OTOP2: variants seen among roughly 807,000 people sequenced by gnomAD.
OTOP2 encodes the protein proton channel OTOP2.
Under a neutral mutation model 47.4 loss-of-function variants are expected in OTOP2, and 41 were observed. That is an observed-to-expected ratio of 0.87 (90% confidence interval 0.67 to 1.12). The LOEUF is 1.12. Ranked by LOEUF, OTOP2 falls within the 50% of genes most tolerant of loss-of-function variation. The pLI, the probability that OTOP2 is intolerant of heterozygous loss-of-function variation, is 0.00. For synonymous variants in OTOP2, 328 were observed against 319.6 expected (o/e 1.03, Z -0.28); for missense variants, 721 against 752.2 (o/e 0.96, Z 0.49).
intron 4 of OTOP2, 110 bp downstream of exon 4, chr17:74,927,391 G>C: frequency 7.6e-7 from 1 of 1,312,484 alleles, no homozygotes; most frequent in Non-Finnish European, 1.1e-6. Context: ...CCCTGGGTGG[G>C]GTTGCAGCCA....
intron 5 of OTOP2, among the ~76,000 whole-genome samples, chr17:74,928,851 G>A (rs1480503481): frequency 6.6e-6 from 1 of 152,172 alleles, no homozygotes; most frequent in Non-Finnish European, 1.5e-5. Flanking sequence ...TCCGGCAACA[G>A]AAAGCATGGC....
intron 3 of OTOP2, among the ~76,000 whole-genome samples, chr17:74,926,100 A>T (rs2039005781): frequency 6.6e-6 from 1 of 152,206 alleles, no homozygotes; most frequent in Non-Finnish European, 1.5e-5. Context: ...GGTAGCCTGT[A>T]ACTGGGATTT....
At position 74,924,933 on chromosome 17, in the gene OTOP2, A is replaced by T. The variant is rs1252077988; in HGVS notation, c.301A>T (p.Ile101Phe). Residue 101 changes from isoleucine to phenylalanine, a missense_variant, in exon 2 of 7, where the codon ATC becomes TTC. Ile to Phe is a conservative substitution (Grantham distance 21, BLOSUM62 0). Transcript: ENST00000331427. The surrounding 1 kb of genome is among the most constrained non-coding windows in gnomAD (Gnocchi z 7.7). The part of the protein sequence containing the change: ...VPYRDAHAGP[I>F]WLRGGLVLFG... ...CTACCGGGACGCGCACGCTGGCCCC[A>T]TCTGGCTCCGAGGTGCCAGGGGAGG... is the stretch of plus-strand genomic sequence containing the variant. 1.2e-5 allele frequency: 19 copies of T among 1,565,616 alleles called. No homozygotes were observed. Among genetic ancestry groups the T allele is most frequent in the Non-Finnish European group, 1.6e-5 (19 of 1,154,058 alleles).
chr17:74,930,956 G>A lies in OTOP2; in HGVS notation c.1321G>A (p.Glu441Lys), dbSNP rs767276003. 1.9e-6 allele frequency: 3 copies of A among 1,613,960 alleles called. No homozygotes were observed. Among genetic ancestry groups the A allele is most frequent in the Admixed American group, 1.7e-5 (1 of 60,008 alleles). The part of the protein sequence containing the change: ...GAEPHSTHPK[E>K]PCQDLTFTNL... Reference sequence around the variant, plus strand: ...TGAGCCTCACAGTACCCACCCCAAGGAGCCCTGCCAAGACCTCACCTTCAC... The same window carrying A: ...TGAGCCTCACAGTACCCACCCCAAGAAGCCCTGCCAAGACCTCACCTTCAC... Residue 441 changes from glutamate (E) to lysine (K), a missense_variant, in exon 6 of 7, where the codon GAG becomes AAG. Physicochemically the swap from Glu to Lys is moderately conservative, Grantham distance 56 (BLOSUM62 1). Transcript: ENST00000331427. This position sits in a 1 kb window ranked among gnomAD's most constrained non-coding sequence, Gnocchi z 4.0.
rs756120002 is a variant in OTOP2, at chr17:74,925,622, G to A, written c.380G>A (p.Ser127Asn). 4 of 1,614,166 alleles carry A rather than the reference G, an allele frequency of 2.5e-6. No individual in the cohort carries two copies. Residue 127 changes from serine (S) to asparagine (N), a missense_variant, in exon 3 of 7, where the codon AGT (serine) becomes AAT (asparagine). By Grantham distance (46) the Ser-to-Asn change is conservative. Transcript: ENST00000331427. ...MDVFKTGYYS[S>N]FFECQSAIKI... ...GTCTTCAAGACCGGCTACTACTCCA[G>A]TTTCTTTGAGTGCCAGTCAGCCATC...
rs1022736556 is a variant in OTOP2, at chr17:74,930,198, A to C, written c.644-81A>C. The stretch of plus-strand genomic sequence containing the variant: ...AACTCCGTCTCAAAACAAAACAAAA[A>C]AAAAAAGGTCACAGGCTAGGGGTGA... On this transcript the variant is annotated intron_variant, in intron 5 of 6. Coordinates refer to ENST00000331427, the MANE Select transcript of OTOP2 (RefSeq NM_178160.3). The surrounding 1 kb of genome is among the most constrained non-coding windows in gnomAD (Gnocchi z 4.0). 223 of 1,477,218 alleles carry C rather than the reference A, an allele frequency of 1.5e-4. 1 individual carries two copies. The highest frequency in any genetic ancestry group is 5.2e-4 in the South Asian group (38 of 73,664). The allele number at this position is 1,477,218 out of a possible 1,614,324, so 91.5% of individuals were successfully genotyped here.
In OTOP2 at chr17:74,927,656, C is replaced by T; in HGVS notation, c.510-9C>T. On this transcript the variant is annotated splice_polypyrimidine_tract_variant and intron_variant, in intron 4 of 6. Transcript: ENST00000331427. ...AGGCCTCTTTGTCCCCACCCCTGAC[C>T]CCAAACAGGTGTGGTCTCATGTTCA... 3 of 1,611,142 alleles carry T rather than the reference C, an allele frequency of 1.9e-6. No homozygotes were observed. The highest frequency in any genetic ancestry group is 2.5e-6 in the Non-Finnish European group (3 of 1,178,358).
rs2039000469 is a variant in OTOP2 at position 74,925,652 on chromosome 17, T to C, written c.410T>C (p.Ile137Thr). Residue 137 changes from isoleucine (I) to threonine (T), a missense_variant, in exon 3 of 7, where the codon ATC (isoleucine) becomes ACC (threonine). Coordinates refer to ENST00000331427, the MANE Select transcript of OTOP2 (RefSeq NM_178160.3). ...TTTGAGTGCCAGTCAGCCATCAAGATCCTGCACCCCCTCATCCAGGCTGTG... is the reference window on the plus strand; with the variant it reads ...TTTGAGTGCCAGTCAGCCATCAAGACCCTGCACCCCCTCATCCAGGCTGTG... Reference protein sequence around the residue: ...SFFECQSAIKILHPLIQAVFV... With the variant: ...SFFECQSAIKTLHPLIQAVFV... 6.2e-7 allele frequency: 1 copy of C among 1,614,162 alleles called. No homozygotes were observed. Among genetic ancestry groups the C allele is most frequent in the Non-Finnish European group, 8.5e-7 (1 of 1,180,018 alleles).
chr17:74,928,438 C>A (rs2039029051), intron 5 of OTOP2, among the ~76,000 whole-genome samples: 1 of 152,064 alleles, frequency 6.6e-6, no homozygotes, highest in Admixed American at 6.6e-5. Context: ...CAGAGTGGTT[C>A]TGTGGTGCAA....
chr17:74,933,462 A>G lies in OTOP2; in HGVS notation c.1606A>G (p.Ile536Val), dbSNP rs200405827. The G allele has an allele frequency of 9.9e-6, 16 of 1,614,070 alleles. No individual in the cohort carries two copies. Among genetic ancestry groups the G allele is most frequent in the African/African-American group, 1.3e-5 (1 of 74,950 alleles). The change falls in exon 7 of 7, where the codon ATC becomes GTC. Residue 536 changes from isoleucine (I) to valine (V), a missense_variant. Transcript: ENST00000331427. The surrounding 1 kb of genome is among the most constrained non-coding windows in gnomAD (Gnocchi z 4.7). ...DFYGYSLWAVIVNICLPFGIF... is the reference protein window; with the variant it reads ...DFYGYSLWAVVVNICLPFGIF... Reference sequence around the variant, plus strand: ...CTACGGCTACTCCCTCTGGGCGGTCATCGTCAACATCTGCCTCCCTTTCGG... The same window carrying G: ...CTACGGCTACTCCCTCTGGGCGGTCGTCGTCAACATCTGCCTCCCTTTCGG...
At chr17:74,929,153 G>A (rs894008407) in intron 5 of OTOP2, among the ~76,000 whole-genome samples, 1 of 152,164 alleles carries the variant, frequency 6.6e-6, no homozygotes, top group Non-Finnish European at 1.5e-5. Context: ...AAGGCCCAGA[G>A]TATCCTACAA....
At chr17:74,932,283 C>T (rs1395056104) in intron 6 of OTOP2, among the ~76,000 whole-genome samples, 2 of 152,126 alleles carry the variant, frequency 1.3e-5, no homozygotes, top group Admixed American at 1.3e-4. Context: ...GGGTATATCC[C>T]AGGACAGAGC....
At position 74,933,746 on chromosome 17, in the gene OTOP2, A is replaced by T; in HGVS notation, c.*201A>T. On this transcript the variant is annotated 3_prime_UTR_variant, in exon 7 of 7. Coordinates refer to ENST00000331427, the MANE Select transcript of OTOP2 (RefSeq NM_178160.3). This position sits in a 1 kb window ranked among gnomAD's most constrained non-coding sequence, Gnocchi z 4.7. The stretch of plus-strand genomic sequence containing the variant: ...GGACAGGCCCATCCACCCCAGTATG[A>T]CCGTGGGGCATGAGGTGACTGGGGA... 1 of 555,794 alleles carries T rather than the reference A, an allele frequency of 1.8e-6. No individual in the cohort carries two copies. The highest frequency in any genetic ancestry group is 1.9e-5 in the African/African-American group (1 of 53,736). 34.4% of individuals were successfully genotyped at this position (555,794 alleles called of 1,614,324 possible).
At chr17:74,927,511 G>T (rs2039019273) in intron 4 of OTOP2, 154 bp from the exon 5 acceptor site, 2 of 1,166,886 alleles carry the variant, frequency 1.7e-6, no homozygotes, top group Admixed American at 2.4e-5. Flanking sequence ...CTCTTTGGTG[G>T]CATACCAGCC....
chr17:74,929,598 G>T (rs761633365), intron 5 of OTOP2, among the ~76,000 whole-genome samples: 7 of 152,058 alleles, frequency 4.6e-5, no homozygotes, highest in Non-Finnish European at 1.0e-4. Flanking sequence ...GCTAATTTTT[G>T]TATTTTTAGT....
At chr17:74,926,685 C>A (rs1350534178) in intron 3 of OTOP2, among the ~76,000 whole-genome samples, 1 of 152,082 alleles carries the variant, frequency 6.6e-6, no homozygotes, top group Non-Finnish European at 1.5e-5. Flanking sequence ...TGGAGAACCA[C>A]TATTTTATAC....
Position 74,931,086 on chromosome 17 carries a change from C to T in OTOP2, c.1451C>T (p.Pro484Leu). 6.2e-7 allele frequency: 1 copy of T among 1,614,010 alleles called. No homozygotes were observed. Among genetic ancestry groups the T allele is most frequent in the African/African-American group, 1.3e-5 (1 of 75,040 alleles). Reference protein sequence around the residue: ...QREAVAIVSTPRSQWRRQCLK... With the variant: ...QREAVAIVSTLRSQWRRQCLK... The stretch of plus-strand genomic sequence containing the variant: ...GAAGCAGTGGCCATCGTCTCAACCC[C>T]CAGAAGCCAGTGGAGACGCCAGTGC... Residue 484 changes from proline to leucine, a missense_variant, in exon 6 of 7, where the codon CCC (proline) becomes CTC (leucine). Pro to Leu is a moderately conservative substitution (Grantham distance 98). Coordinates refer to ENST00000331427, the MANE Select transcript of OTOP2 (RefSeq NM_178160.3).
rs2144762122 is a variant in OTOP2, at chr17:74,924,514, C to T, written c.-33-86C>T. The T allele has an allele frequency of 1.6e-6, 2 of 1,231,560 alleles. No homozygotes were observed. Among genetic ancestry groups the T allele is most frequent in the Non-Finnish European group, 2.2e-6 (2 of 918,828 alleles). The allele number at this position is 1,231,560 out of a possible 1,614,324, so 76.3% of individuals were successfully genotyped here. ...AAGCCCCAACCCTGCGGGTCAGGAA[C>T]TCCCTAGTCCCCAAGTCTAGGGATG... On this transcript the variant is annotated intron_variant, in intron 1 of 6. Transcript: ENST00000331427. The surrounding 1 kb of genome is among the most constrained non-coding windows in gnomAD (Gnocchi z 7.7).
At chr17:74,925,317 A>T (rs2038997562) in intron 2 of OTOP2, among the ~76,000 whole-genome samples, 1 of 152,028 alleles carries the variant, frequency 6.6e-6, no homozygotes, top group African/African-American at 2.4e-5. Flanking sequence ...TAGCAGGTCC[A>T]TCCATCCACC....
Sources: allele counts gnomAD v4.1 joint callset (sites outside exome capture counted in the v4.1 genomes callset), GRCh38; gene constraint gnomAD v4.1.1; non-coding constraint Gnocchi (gnomAD v3.1); transcripts MANE v1.5; gene names NCBI Gene and HGNC (gene_info 2026-07-23, HGNC 2026-07-21).